Variants in MED28 observed in about 807,000 individuals in gnomAD.
MED28 encodes the protein mediator complex subunit 28.
Under a neutral mutation model 21.3 loss-of-function variants are expected in MED28, and 26 were observed. The ratio of observed to expected loss-of-function variants is 1.22; its 90% CI spans 0.89 to 1.69. MED28 has a LOEUF of 1.69. Among genes scored for constraint, MED28 ranks in the 40% most tolerant of loss-of-function variants. The probability of loss-of-function intolerance (pLI) is 0.00; values close to 1 mark genes in which losing one functional copy is unlikely to be tolerated. For synonymous variants in MED28, 110 were observed against 87.6 expected, an observed-to-expected ratio of 1.26 and a Z score of -1.43; for missense variants, 257 against 215.4, an observed-to-expected ratio of 1.19 and a Z score of -1.21.
At position 17,633,675 on chromosome 4, in the gene MED28, A is replaced by C. The variant is rs752679659; in HGVS notation, c.*9877A>C. 4 of 1,499,932 alleles carry C rather than the reference A, an allele frequency of 2.7e-6. No individual in the cohort carries two copies. The African/African-American group carries it at 5.7e-5, about 21-fold the overall frequency. The allele number at this position is 1,499,932 out of a possible 1,614,324, so 92.9% of individuals were successfully genotyped here. A position where few individuals can be genotyped will look rare whatever the true frequency, so the allele number is the denominator to read the frequency against. On this transcript the variant is annotated 3_prime_UTR_variant, in exon 4 of 4. Coordinates refer to ENST00000237380, the MANE Select transcript of MED28 (RefSeq NM_025205.5). ...AAATAGAATAAGGGCCCCTGTCCCCAACATCCCCCAAACCTTGTGGCAGTT... is the reference window on the plus strand; with the variant it reads ...AAATAGAATAAGGGCCCCTGTCCCCCACATCCCCCAAACCTTGTGGCAGTT...
chr4:17,622,043 C>T (rs1379182462), intron 3 of MED28, among the ~76,000 whole-genome samples: 1 of 152,162 alleles, frequency 6.6e-6, no homozygotes, highest in African/African-American at 2.4e-5. Context: ...GATCTGTGTC[C>T]CCACTTGCCT....
intron 1 of MED28, among the ~76,000 whole-genome samples, chr4:17,615,756 G>A (rs528833908): frequency 6.6e-6 from 1 of 152,318 alleles, no homozygotes; most frequent in African/African-American, 2.4e-5. Context: ...GTTGCAGTGA[G>A]CGGAGACCGC....
chr4:17,619,839 C>T lies in MED28; in HGVS notation c.160-62C>T, dbSNP rs537833216. ...ACTTCAGGAGAAGTTATTTCTTCCT[C>T]TGGAGTAAGATTTTTGATGTATAAA... On this transcript the variant is annotated intron_variant, in intron 1 of 3. Transcript: ENST00000237380. 15 of 1,478,712 alleles carry T rather than the reference C, an allele frequency of 1.0e-5. No individual in the cohort carries two copies. The Admixed American group carries it at 2.4e-4, about 23-fold the overall frequency. The allele number at this position is 1,478,712 out of a possible 1,614,324, so 91.6% of individuals were successfully genotyped here.
intron 1 of MED28, among the ~76,000 whole-genome samples, chr4:17,616,202 G>A (rs992236465): frequency 3.3e-5 from 5 of 152,116 alleles, no homozygotes; most frequent in African/African-American, 4.8e-5. Context: ...TGATCCACCC[G>A]CCTCGGCCTC....
chr4:17,614,671 G>C lies in MED28; in HGVS notation c.17G>C (p.Gly6Ala), dbSNP rs144722957. The change falls in exon 1 of 4, where the codon GGG becomes GCG. Residue 6 changes from glycine (G) to alanine (A), a missense_variant. Physicochemically the swap from Gly to Ala is moderately conservative, Grantham distance 60. Coordinates refer to ENST00000237380, the MANE Select transcript of MED28 (RefSeq NM_025205.5). MAAPL[G>A]GMFSGQPPGP... is the part of the protein sequence containing the mutation. ...ATTCCAAACATGGCGGCTCCACTAG[G>C]GGGTATGTTTTCTGGGCAGCCACCC... 7.1e-5 allele frequency: 115 copies of C among 1,612,414 alleles called. No individual in the cohort carries two copies. The Middle Eastern group carries it at 8.3e-4, about 12-fold the overall frequency.
Position 17,630,986 on chromosome 4 carries a change from C to T in MED28, c.*7188C>T, listed in dbSNP as rs1332235200. 1 of 152,150 alleles carries T rather than the reference C, an allele frequency of 6.6e-6. No individual in the cohort carries two copies. Among genetic ancestry groups the T allele is most frequent in the Non-Finnish European group, 1.5e-5 (1 of 68,030 alleles). 9.4% of individuals were successfully genotyped at this position (152,150 alleles called of 1,614,324 possible). A position where few individuals can be genotyped will look rare whatever the true frequency, so the allele number is the denominator to read the frequency against. On this transcript the variant is annotated 3_prime_UTR_variant, in exon 4 of 4. Transcript: ENST00000237380. ...GTTTGTGGGCCACCTTCTGGGCCAG[C>T]ACCAAAGACTGAAAAAATATTTTGC...
In MED28 at chr4:17,632,450, T is replaced by TGGTG. The variant is rs1714980801; in HGVS notation, c.*8653_*8656dup. On this transcript the variant is annotated 3_prime_UTR_variant, in exon 4 of 4. Coordinates refer to ENST00000237380, the MANE Select transcript of MED28 (RefSeq NM_025205.5). ...ATCATAAGCATATTATTTGGTTGGT[T>TGGTG]GGTGTTAGTTCATTCCTTCAATCGG... The TGGTG allele has an allele frequency of 1.2e-5, 14 of 1,163,514 alleles. No individual in the cohort carries two copies. The highest frequency in any genetic ancestry group is 1.5e-5 in the Non-Finnish European group (12 of 818,472). The allele number at this position is 1,163,514 out of a possible 1,614,324, so 72.1% of individuals were successfully genotyped here.
chr4:17,619,609 T>C (rs1232808874), intron 1 of MED28, among the ~76,000 whole-genome samples: 1 of 152,106 alleles, frequency 6.6e-6, no homozygotes, highest in East Asian at 1.9e-4. Context: ...ACAGTGGGGC[T>C]GGAAGAGTGT....
In MED28 at chr4:17,626,919, G is replaced by GTAA. The variant is rs1714783657; in HGVS notation, c.*3121_*3122insTAA. ...CCCAGAAGAACCTCTGCCTCCCAGAGGTTTAAGCAGTTCTCCTGCCTCAGC... is the reference window on the plus strand; with the variant it reads ...CCCAGAAGAACCTCTGCCTCCCAGAGTAAGTTTAAGCAGTTCTCCTGCCTCAGC... On this transcript the variant is annotated 3_prime_UTR_variant, in exon 4 of 4. Coordinates refer to ENST00000237380, the MANE Select transcript of MED28 (RefSeq NM_025205.5). 6.6e-6 allele frequency: 1 copy of GTAA among 151,770 alleles called. No individual in the cohort carries two copies. Among genetic ancestry groups the GTAA allele is most frequent in the Admixed American group, 6.6e-5 (1 of 15,220 alleles). The allele number at this position is 151,770 out of a possible 1,614,324, so 9.4% of individuals were successfully genotyped here. A position where few individuals can be genotyped will look rare whatever the true frequency, so the allele number is the denominator to read the frequency against.
In MED28 at chr4:17,624,068, C is replaced by G. The variant is rs932947465; in HGVS notation, c.*270C>G. ...GACTGTGAATATGATGACACAGATT[C>G]TTTTTTATGGTGGCTTTGCTTGTTT... On this transcript the variant is annotated 3_prime_UTR_variant, in exon 4 of 4. Coordinates refer to ENST00000237380, the MANE Select transcript of MED28 (RefSeq NM_025205.5). 9.5e-6 allele frequency: 4 copies of G among 421,102 alleles called. No homozygotes were observed. Among genetic ancestry groups the G allele is most frequent in the African/African-American group, 6.0e-5 (3 of 50,346 alleles). 26.1% of individuals were successfully genotyped at this position (421,102 alleles called of 1,614,324 possible). A position where few individuals can be genotyped will look rare whatever the true frequency, so the allele number is the denominator to read the frequency against.
intron 1 of MED28, among the ~76,000 whole-genome samples, chr4:17,618,262 G>A (rs1311873003): frequency 6.6e-6 from 1 of 152,016 alleles, no homozygotes; most frequent in Non-Finnish European, 1.5e-5. Flanking sequence ...ACCCATCTTG[G>A]CCTCCAAAAT....
In MED28 at chr4:17,629,140, G is replaced by A. The variant is rs1223130257; in HGVS notation, c.*5342G>A. 2.6e-5 allele frequency: 4 copies of A among 152,452 alleles called. No individual in the cohort carries two copies. Among genetic ancestry groups the A allele is most frequent in the African/African-American group, 9.7e-5 (4 of 41,450 alleles). 9.4% of individuals were successfully genotyped at this position (152,452 alleles called of 1,614,324 possible). On this transcript the variant is annotated 3_prime_UTR_variant, in exon 4 of 4. Coordinates refer to ENST00000237380, the MANE Select transcript of MED28 (RefSeq NM_025205.5). Reference sequence around the variant, plus strand: ...CCCAGCTACTCGGGAGGCTGAGGCAGGAGAATCGCTTGAACCCGGGAGGCC... The same window carrying A: ...CCCAGCTACTCGGGAGGCTGAGGCAAGAGAATCGCTTGAACCCGGGAGGCC...
In MED28 at chr4:17,632,620, G is replaced by A. The variant is rs2108923959; in HGVS notation, c.*8822G>A. 6.5e-6 allele frequency: 10 copies of A among 1,540,534 alleles called. No homozygotes were observed. Among genetic ancestry groups the A allele is most frequent in the Non-Finnish European group, 8.8e-6 (10 of 1,142,582 alleles). ...TTTGGCTTGGGCCGTTTCACCATCT[G>A]GGGTCCTAAAAGCAAAAAAAGGTTT... On this transcript the variant is annotated 3_prime_UTR_variant, in exon 4 of 4. Transcript: ENST00000237380.
chr4:17,616,056 G>C (rs1441456873), intron 1 of MED28, among the ~76,000 whole-genome samples: 11 of 151,970 alleles, frequency 7.2e-5, no homozygotes, highest in Admixed American at 7.2e-4. Context: ...CGCCTCCCGG[G>C]TTCAAGCGAT....
In MED28 at chr4:17,633,981, T is replaced by G. The variant is rs948315383; in HGVS notation, c.*10183T>G. 6 of 1,040,048 alleles carry G rather than the reference T, an allele frequency of 5.8e-6. No homozygotes were observed. Among genetic ancestry groups the G allele is most frequent in the African/African-American group, 5.0e-5 (3 of 60,158 alleles). 64.4% of individuals were successfully genotyped at this position (1,040,048 alleles called of 1,614,324 possible). A position where few individuals can be genotyped will look rare whatever the true frequency, so the allele number is the denominator to read the frequency against. ...GCAAATAATGCTCACCCAATCAAAATTGTATCGGAGAAGAAGCAACAATTT... is the reference window on the plus strand; with the variant it reads ...GCAAATAATGCTCACCCAATCAAAAGTGTATCGGAGAAGAAGCAACAATTT... On this transcript the variant is annotated 3_prime_UTR_variant, in exon 4 of 4. Coordinates refer to ENST00000237380, the MANE Select transcript of MED28 (RefSeq NM_025205.5).
chr4:17,633,953 A>G lies in MED28; in HGVS notation c.*10155A>G. On this transcript the variant is annotated 3_prime_UTR_variant, in exon 4 of 4. Transcript: ENST00000237380. ...AAAAACAAAATAAAGCATTATTGTA[A>G]AAGCAAATAATGCTCACCCAATCAA... The G allele has an allele frequency of 8.0e-7, 1 of 1,243,584 alleles. No homozygotes were observed. The highest frequency in any genetic ancestry group is 1.1e-6 in the Non-Finnish European group (1 of 944,812). The allele number at this position is 1,243,584 out of a possible 1,614,324, so 77.0% of individuals were successfully genotyped here. A position where few individuals can be genotyped will look rare whatever the true frequency, so the allele number is the denominator to read the frequency against.
At position 17,626,810 on chromosome 4, in the gene MED28, G is replaced by A. The variant is rs1385514893; in HGVS notation, c.*3012G>A. The A allele has an allele frequency of 6.6e-6, 1 of 152,268 alleles. No individual in the cohort carries two copies. Among genetic ancestry groups the A allele is most frequent in the Non-Finnish European group, 1.5e-5 (1 of 68,118 alleles). The allele number at this position is 152,268 out of a possible 1,614,324, so 9.4% of individuals were successfully genotyped here. On this transcript the variant is annotated 3_prime_UTR_variant, in exon 4 of 4. Transcript: ENST00000237380. ...TAGCCTGTGTGTTCTACAAACAGCA[G>A]CTGGCAGCACTGTCTCCTGCCGGAC...
At chr4:17,615,045 T>G (rs1212293151) in intron 1 of MED28, among the ~76,000 whole-genome samples, 2 of 152,212 alleles carry the variant, frequency 1.3e-5, no homozygotes, top group Non-Finnish European at 2.9e-5. Context: ...GAAGTTTGCC[T>G]AAACCCCAAA....
At chr4:17,616,121 A>AT (rs899618706) in intron 1 of MED28, among the ~76,000 whole-genome samples, 18 of 151,492 alleles carry the variant, frequency 1.2e-4, no homozygotes, top group African/African-American at 3.2e-4. Context: ...CCACCATGCT[A>AT]TTTTTTTTAT....
Sources: allele counts gnomAD v4.1 joint callset (sites outside exome capture counted in the v4.1 genomes callset), GRCh38; gene constraint gnomAD v4.1.1; transcripts MANE v1.5; gene names NCBI Gene and HGNC (gene_info 2026-07-23, HGNC 2026-07-21).